The following ROCK2 variants were observed in gnomAD, a reference collection of about 807,000 sequenced individuals.
ROCK2 encodes the protein rho-associated protein kinase 2.
In ROCK2, 61 loss-of-function variants were observed where a neutral mutation model predicts 195.1. The ratio of observed to expected loss-of-function variants is 0.31; its 90% CI spans 0.25 to 0.39. ROCK2 has a LOEUF of 0.39. Among genes scored for constraint, ROCK2 ranks in the 10% least tolerant of loss-of-function variants. ROCK2 has a pLI of 1.00. For missense variants in ROCK2, 1,109 were observed against 1,637.4 expected (o/e 0.68, Z 5.57); for synonymous variants, 504 against 545.5 (o/e 0.92, Z 1.06).
At chr2:11,189,946 G>C (rs1466589994) in intron 32 of ROCK2, among the ~76,000 whole-genome samples, 1 of 151,964 alleles carries the variant, frequency 6.6e-6, no homozygotes, top group Non-Finnish European at 1.5e-5. Context: ...AGTGAGTCAT[G>C]ATCGTGCCAT....
At chr2:11,288,981 CAGTT>C (rs1667282939) in intron 1 of ROCK2, among the ~76,000 whole-genome samples, 1 of 152,214 alleles carries the variant, frequency 6.6e-6, no homozygotes, top group East Asian at 1.9e-4. Flanking sequence ...GCTTGCCACT[CAGTT>C]ATAGTTCATA....
chr2:11,189,178 G>A (rs950525572), intron 32 of ROCK2, among the ~76,000 whole-genome samples: 2 of 152,082 alleles, frequency 1.3e-5, no homozygotes, highest in African/African-American at 4.8e-5. Context: ...ATCTAACAAA[G>A]CCAAACTTTG....
At chr2:11,205,085 T>C (rs1425217909) in intron 20 of ROCK2, among the ~76,000 whole-genome samples, 1 of 152,170 alleles carries the variant, frequency 6.6e-6, no homozygotes, top group Non-Finnish European at 1.5e-5. Flanking sequence ...AAGGGACCCC[T>C]AAATGCCAGA....
Position 11,208,429 on chromosome 2 carries a change from A to G in ROCK2, c.2222T>C (p.Leu741Ser). The G allele has an allele frequency of 1.3e-6, 2 of 1,515,620 alleles. No individual in the cohort carries two copies. Among genetic ancestry groups the G allele is most frequent in the Non-Finnish European group, 1.8e-6 (2 of 1,121,566 alleles). The allele number at this position is 1,515,620 out of a possible 1,614,324, so 93.9% of individuals were successfully genotyped here. A position where few individuals can be genotyped will look rare whatever the true frequency, so the allele number is the denominator to read the frequency against. ...EAMKEMEKKLLEERTLKQKVE... is the reference protein window; with the variant it reads ...EAMKEMEKKLSEERTLKQKVE... ...TTTCTGTTTTAAAGTTCTTTCCTCC[A>G]AGAGCTTCTTCTCCATTTCTAGTAT... The change falls in exon 19 of 33, where the codon TTG (leucine) becomes TCG (serine). Residue 741 changes from leucine (L) to serine (S), a missense_variant. Transcript: ENST00000315872.
intron 30 of ROCK2, among the ~76,000 whole-genome samples, chr2:11,193,482 TA>T (rs986120911): frequency 1.3e-5 from 2 of 151,836 alleles, no homozygotes; most frequent in East Asian, 1.9e-4. Context: ...AATTCATGTT[TA>T]AAAAAAAGTC....
chr2:11,218,194 C>T (rs1664498866), intron 11 of ROCK2: 2 of 315,056 alleles, frequency 6.3e-6, no homozygotes, highest in Non-Finnish European at 1.1e-5. Flanking sequence ...AATTTGAGCA[C>T]ACCAGTTATT....
At chr2:11,199,099 C>T in intron 23 of ROCK2, among the ~76,000 whole-genome samples, 2 of 151,902 alleles carry the variant, frequency 1.3e-5, no homozygotes, top group East Asian at 3.9e-4. Flanking sequence ...TGGGGTTTCA[C>T]TATGTTGGTC....
chr2:11,345,279 C>A (rs190126564), upstream of ROCK2, among the ~76,000 whole-genome samples: 360 of 152,300 alleles, frequency 2.4e-3, 1 homozygote, highest in African/African-American at 7.5e-3. Flanking sequence ...CTAACCACTT[C>A]AAGAGAACGG....
chr2:11,248,301 A>G (rs1665693538), intron 4 of ROCK2, among the ~76,000 whole-genome samples: 1 of 152,094 alleles, frequency 6.6e-6, no homozygotes, highest in Non-Finnish European at 1.5e-5. Context: ...CTGAACAAGA[A>G]CTGGTGTATA....
intron 1 of ROCK2, among the ~76,000 whole-genome samples, chr2:11,310,281 C>A (rs1175723641): frequency 6.6e-6 from 1 of 151,978 alleles, no homozygotes; most frequent in Non-Finnish European, 1.5e-5. Context: ...TCACGGAATA[C>A]TAAATGAGTT....
Position 11,309,261 on chromosome 2 carries a change from G to A in ROCK2, c.142-21525C>T, listed in dbSNP as rs548589821. 2.8e-4 allele frequency among the ~76,000 whole-genome samples: 43 copies of A among 151,938 alleles called. No individual in the cohort carries two copies. The South Asian group carries it at 3.1e-3, about 11-fold the overall frequency. On this transcript the variant is annotated intron_variant, in intron 1 of 32. Coordinates refer to ENST00000315872, the MANE Select transcript of ROCK2 (RefSeq NM_004850.5). ...ATCTAGAAATGATTTAAAGTATACA[G>A]GAGGATGGGCACACGTTATATGAAA...
chr2:11,259,372 G>A (rs1175602239), intron 3 of ROCK2, among the ~76,000 whole-genome samples: 2 of 151,240 alleles, frequency 1.3e-5, no homozygotes, highest in African/African-American at 2.5e-5. Context: ...GGAACTGCAA[G>A]ACAAATGTTT....
At chr2:11,268,099 C>T (rs1666483729) in intron 3 of ROCK2, among the ~76,000 whole-genome samples, 1 of 152,014 alleles carries the variant, frequency 6.6e-6, no homozygotes, top group African/African-American at 2.4e-5. Context: ...GAACACCAAG[C>T]AAACCACTGA....
chr2:11,268,130 CAAAT>C (rs1016118421), intron 3 of ROCK2, among the ~76,000 whole-genome samples: 2 of 152,110 alleles, frequency 1.3e-5, no homozygotes, highest in East Asian at 1.9e-4. Context: ...GAGAGACAAA[CAAAT>C]AAAGGGAGCC....
chr2:11,324,834 A>G lies in ROCK2; in HGVS notation c.141+19162T>C, dbSNP rs141184273. Among the ~76,000 whole-genome samples, 391 of 152,342 alleles carry G rather than the reference A, an allele frequency of 2.6e-3. 1 individual carries two copies. Among genetic ancestry groups the G allele is most frequent in the African/African-American group, 8.8e-3 (367 of 41,580 alleles). ...GTAATAGTACATCATAAAAACCTCT[A>G]TTCAACATGACAGGTCTCAAGTGCT... On this transcript the variant is annotated intron_variant, in intron 1 of 32. Transcript: ENST00000315872.
Position 11,215,588 on chromosome 2 carries a change from GC to G in ROCK2, c.1518del (p.Leu507PhefsTer30). 3 of 1,613,434 alleles carry G rather than the reference GC, an allele frequency of 1.9e-6. No homozygotes were observed. The highest frequency in any genetic ancestry group is 2.5e-6 in the Non-Finnish European group (3 of 1,179,706). ...TATTCTGCATTTTTGTGCTGAAGAA[GC>G]GCCTTTTCTCTTTCTAACTGTCTTA... is the stretch of plus-strand genomic sequence containing the variant. ...SALRQLEREKALLQHKNAEYQ... is the reference protein window; with the variant it reads ...SALRQLEREKXLLQHKNAEYQ... On this transcript the variant is annotated frameshift_variant, in exon 14 of 33. Transcript: ENST00000315872. LOFTEE classifies it high-confidence loss of function.
intron 4 of ROCK2, among the ~76,000 whole-genome samples, chr2:11,243,392 G>T (rs1275463078): frequency 6.6e-6 from 1 of 152,152 alleles, no homozygotes; most frequent in African/African-American, 2.4e-5. Flanking sequence ...AATTAGAAAT[G>T]ATTAACCTGT....
chr2:11,269,026 A>C (rs1465560200), intron 3 of ROCK2, among the ~76,000 whole-genome samples: 1 of 152,168 alleles, frequency 6.6e-6, no homozygotes, highest in Non-Finnish European at 1.5e-5. Flanking sequence ...CTGCCGGCTC[A>C]AATCTGCCCC....
chr2:11,319,090 C>A lies in ROCK2; in HGVS notation c.141+24906G>T, dbSNP rs536021194. Among the ~76,000 whole-genome samples, 865 of 152,202 alleles carry A rather than the reference C, an allele frequency of 5.7e-3. 6 individuals carry two copies. Among genetic ancestry groups the A allele is most frequent in the Middle Eastern group, 0.017 (5 of 294 alleles). ...CAGGATTGACTTGGCAATGTGGGCT[C>A]TTTTTTGGTTCCATATGAACTTTAA... is the stretch of plus-strand genomic sequence containing the variant. On this transcript the variant is annotated intron_variant, in intron 1 of 32. Transcript: ENST00000315872.
Sources: allele counts gnomAD v4.1 joint callset (sites outside exome capture counted in the v4.1 genomes callset), GRCh38; gene constraint gnomAD v4.1.1; transcripts MANE v1.5; gene names NCBI Gene and HGNC (gene_info 2026-07-23, HGNC 2026-07-21).